SH3GL2: variants seen among roughly 807,000 people sequenced by gnomAD.
SH3GL2 encodes the protein endophilin-A1.
Under a neutral mutation model 46.0 loss-of-function variants are expected in SH3GL2, and 24 were observed. The ratio of observed to expected loss-of-function variants is 0.52; its 90% CI spans 0.38 to 0.73. The LOEUF (loss-of-function observed/expected upper bound fraction) is 0.73, where lower values mean the gene tolerates loss of function less well. Among genes scored for constraint, SH3GL2 ranks in the 30% least tolerant of loss-of-function variants. SH3GL2 has a pLI of 0.00. For missense variants in SH3GL2, 413 were observed against 424.2 expected (o/e 0.97, Z 0.23); for synonymous variants, 196 against 147.1 (o/e 1.33, Z -2.40).
At chr9:17,629,098 A>T (rs1819361609) in intron 1 of SH3GL2, among the ~76,000 whole-genome samples, 1 of 151,740 alleles carries the variant, frequency 6.6e-6, no homozygotes, top group African/African-American at 2.4e-5. Context: ...TTATAGTAGG[A>T]GGATTGCGTG....
chr9:17,792,718 G>A (rs1469745555), intron 7 of SH3GL2, among the ~76,000 whole-genome samples: 1 of 152,048 alleles, frequency 6.6e-6, no homozygotes. Flanking sequence ...GTATCTTTTA[G>A]TTCTCTCCTT....
At chr9:17,698,346 A>G (rs1353613198) in intron 1 of SH3GL2, among the ~76,000 whole-genome samples, 1 of 152,316 alleles carries the variant, frequency 6.6e-6, no homozygotes, top group East Asian at 1.9e-4. Flanking sequence ...AGCTTCATAC[A>G]GAGGTAGCTT....
chr9:17,764,704 A>G (rs910815149), intron 3 of SH3GL2, among the ~76,000 whole-genome samples: 2 of 101,268 alleles, frequency 2.0e-5, no homozygotes, highest in Admixed American at 9.6e-5. Context: ...TCTTGGGTAC[A>G]TGGACAGGCC....
At chr9:17,777,093 A>G (rs1179352615) in intron 3 of SH3GL2, among the ~76,000 whole-genome samples, 1 of 152,160 alleles carries the variant, frequency 6.6e-6, no homozygotes, top group African/African-American at 2.4e-5. Flanking sequence ...TATTTCGGAA[A>G]ATCTTAGATT....
chr9:17,582,705 T>C (rs1818299107), intron 1 of SH3GL2, among the ~76,000 whole-genome samples: 1 of 152,202 alleles, frequency 6.6e-6, no homozygotes, highest in African/African-American at 2.4e-5. Flanking sequence ...CAGAAATACA[T>C]TGTTTCCCAC....
intron 1 of SH3GL2, among the ~76,000 whole-genome samples, chr9:17,613,577 T>C (rs1818916365): frequency 6.6e-6 from 1 of 152,182 alleles, no homozygotes; most frequent in African/African-American, 2.4e-5. Flanking sequence ...GCTCTGAGAT[T>C]GTTATTTGTC....
At chr9:17,697,884 A>T (rs898825467) in intron 1 of SH3GL2, among the ~76,000 whole-genome samples, 1 of 152,098 alleles carries the variant, frequency 6.6e-6, no homozygotes, top group African/African-American at 2.4e-5. Context: ...TATTGTCATG[A>T]TATTGGTTGA....
At chr9:17,792,565 C>G (rs1249121928) in intron 7 of SH3GL2, among the ~76,000 whole-genome samples, 2 of 152,154 alleles carry the variant, frequency 1.3e-5, no homozygotes, top group Non-Finnish European at 2.9e-5. Context: ...TGTCTTCCCT[C>G]TTTCCTTTCC....
chr9:17,669,562 C>G (rs1238681456), intron 1 of SH3GL2, among the ~76,000 whole-genome samples: 2 of 152,160 alleles, frequency 1.3e-5, no homozygotes, highest in Admixed American at 6.5e-5. Flanking sequence ...CATCTTTTCT[C>G]AGTGCAGTTT....
intron 1 of SH3GL2, among the ~76,000 whole-genome samples, chr9:17,714,104 A>G (rs75304820): frequency 0.029 from 4,422 of 151,764 alleles, 217 homozygotes; most frequent in African/African-American, 0.1. Flanking sequence ...TGATTAATTG[A>G]GCCCTTTATT....
At chr9:17,747,649 G>A (rs986657463) in intron 2 of SH3GL2, among the ~76,000 whole-genome samples, 1 of 152,004 alleles carries the variant, frequency 6.6e-6, no homozygotes, top group Non-Finnish European at 1.5e-5. Context: ...ATTGATCAGA[G>A]CCTCTTTTTA....
At chr9:17,792,953 A>C (rs1220918448) in intron 7 of SH3GL2, among the ~76,000 whole-genome samples, 2 of 152,236 alleles carry the variant, frequency 1.3e-5, no homozygotes, top group African/African-American at 4.8e-5. Flanking sequence ...TTTATGAGAT[A>C]CATGAGGTGT....
intron 1 of SH3GL2, among the ~76,000 whole-genome samples, chr9:17,703,153 G>T (rs192975398): frequency 1.3e-5 from 2 of 152,090 alleles, no homozygotes; most frequent in African/African-American, 4.8e-5. Context: ...CCTGGGTGTT[G>T]CCAGAATTTC....
intron 1 of SH3GL2, among the ~76,000 whole-genome samples, chr9:17,615,425 G>C (rs1287514915): frequency 6.6e-6 from 1 of 152,110 alleles, no homozygotes; most frequent in African/African-American, 2.4e-5. Context: ...GAGAGGCCGA[G>C]GTGGGCGGAT....
At chr9:17,728,064 A>G (rs928847082) in intron 1 of SH3GL2, among the ~76,000 whole-genome samples, 5 of 152,168 alleles carry the variant, frequency 3.3e-5, no homozygotes, top group Non-Finnish European at 7.3e-5. Context: ...TTATTTGAAA[A>G]TATCTGCAAT....
intron 3 of SH3GL2, among the ~76,000 whole-genome samples, chr9:17,777,043 C>G (rs1823660351): frequency 6.6e-6 from 1 of 152,108 alleles, no homozygotes. Flanking sequence ...GGCAGGGAGA[C>G]CTTTGTAGAA....
chr9:17,785,066 A>G (rs540857494), intron 3 of SH3GL2, among the ~76,000 whole-genome samples: 2 of 152,314 alleles, frequency 1.3e-5, no homozygotes, highest in South Asian at 4.1e-4. Flanking sequence ...TGAAAAAGCA[A>G]ATAAGAAATG....
At chr9:17,707,771 A>T (rs1821510081) in intron 1 of SH3GL2, among the ~76,000 whole-genome samples, 1 of 152,098 alleles carries the variant, frequency 6.6e-6, no homozygotes, top group Admixed American at 6.6e-5. Context: ...TATGTCTAAG[A>T]TTTAAAGCAC....
intron 1 of SH3GL2, among the ~76,000 whole-genome samples, chr9:17,640,512 A>G (rs906985782): frequency 2.0e-5 from 3 of 152,154 alleles, no homozygotes; most frequent in Admixed American, 6.5e-5. Context: ...AAAACCAACA[A>G]CGTTGGTATG....
Sources: gnomAD v4.1 joint callset for allele counts (sites outside exome capture counted in the v4.1 genomes callset) on GRCh38, gnomAD v4.1.1 for gene constraint, MANE v1.5 for transcripts, NCBI Gene and HGNC (gene_info 2026-07-23, HGNC 2026-07-21) for gene names.